The following RANBP2 variants were observed in gnomAD, a reference collection of about 807,000 sequenced individuals.
RANBP2 encodes the protein RAN binding protein 2.
Under a neutral mutation model 303.6 loss-of-function variants are expected in RANBP2, and 57 were observed. That is an observed-to-expected ratio of 0.19 (90% CI 0.15 to 0.23). The LOEUF (loss-of-function observed/expected upper bound fraction) is 0.23. Among genes scored for constraint, RANBP2 ranks in the 10% least tolerant of loss-of-function variants. The pLI is 1.00. For missense variants in RANBP2, 3,138 were observed against 3,780.8 expected (o/e 0.83, Z 4.46); for synonymous variants, 1,167 against 1,301.5 (o/e 0.90, Z 2.23).
the RANBP2 span, among the ~76,000 whole-genome samples, chr2:109,540,997 G>T: frequency 6.6e-6 from 1 of 152,166 alleles, no homozygotes; most frequent in African/African-American, 2.4e-5. Flanking sequence ...ATACATTTGG[G>T]TCTAAATCTA....
the RANBP2 span, chr2:109,614,798 C>T: frequency 1.4e-6 from 2 of 1,470,588 alleles, no homozygotes; most frequent in Non-Finnish European, 9.0e-7. Context: ...CCGCCGAGCC[C>T]GAGGCCCCCG....
chr2:109,596,192 C>G, the RANBP2 span, among the ~76,000 whole-genome samples: 6,809 of 152,084 alleles, frequency 0.045, 532 homozygotes, highest in African/African-American at 0.16. Context: ...CCACCACACC[C>G]GGCTGAAAAT....
chr2:108,947,736 G>T, the RANBP2 span, among the ~76,000 whole-genome samples: 1 of 152,060 alleles, frequency 6.6e-6, no homozygotes, highest in Non-Finnish European at 1.5e-5. Flanking sequence ...GGCTGCACAG[G>T]GCCCATGAAA....
the RANBP2 span, among the ~76,000 whole-genome samples, chr2:109,758,638 G>GTC: frequency 6.7e-6 from 1 of 148,766 alleles, no homozygotes; most frequent in Non-Finnish European, 1.5e-5. Flanking sequence ...ACTGGAATAT[G>GTC]TCTCCTGTCT....
At chr2:109,693,545 A>G in the RANBP2 span, among the ~76,000 whole-genome samples, 5 of 152,114 alleles carry the variant, frequency 3.3e-5, no homozygotes, top group Admixed American at 3.3e-4. Context: ...ACAACATCTG[A>G]TGATTTTATA....
the RANBP2 span, among the ~76,000 whole-genome samples, chr2:109,542,713 ATAATT>A: frequency 6.6e-6 from 1 of 152,250 alleles, no homozygotes; most frequent in African/African-American, 2.4e-5. Context: ...TATGACATGT[ATAATT>A]TAATTTACTG....
Position 108,765,080 on chromosome 2 carries a change from C to T in RANBP2, c.4541C>T (p.Ser1514Phe). ...NPRKQSLPAT[S>F]IPTPASFKFG... Reference sequence around the variant, plus strand: ...AGAAAACAGAGTCTACCTGCTACTTCTATTCCAACACCTGCCTCTTTTAAG... The same window carrying T: ...AGAAAACAGAGTCTACCTGCTACTTTTATTCCAACACCTGCCTCTTTTAAG... Residue 1514 changes from serine (S) to phenylalanine (F), a missense_variant, in exon 20 of 29, where the codon TCT (serine) becomes TTT (phenylalanine). By Grantham distance (155) the Ser-to-Phe change is radical (BLOSUM62 -2). Coordinates refer to ENST00000283195, the MANE Select transcript of RANBP2 (RefSeq NM_006267.5). 1 of 1,614,026 alleles carries T rather than the reference C, an allele frequency of 6.2e-7. No individual in the cohort carries two copies.
the RANBP2 span, among the ~76,000 whole-genome samples, chr2:109,524,444 C>CAAAAAAAAAAAAAAAAAAAAAAA: frequency 8.3e-5 from 7 of 84,408 alleles, 1 homozygote; most frequent in African/African-American, 4.6e-4. Context: ...GACCCTGTCT[C>CAAAAAAAAAAAAAAAAAAAAAAA]AAAAAAAAAA....
the RANBP2 span, among the ~76,000 whole-genome samples, chr2:109,470,238 C>T: frequency 6.6e-6 from 1 of 152,180 alleles, no homozygotes; most frequent in South Asian, 2.1e-4. Flanking sequence ...GACTTATTTC[C>T]TCATCAATAA....
the RANBP2 span, among the ~76,000 whole-genome samples, chr2:109,669,595 A>T: frequency 2.0e-4 from 30 of 152,244 alleles, no homozygotes; most frequent in Admixed American, 1.8e-3. Flanking sequence ...TGCTAGAACT[A>T]GAATTCAGAA....
At chr2:109,271,654 A>G in the RANBP2 span, among the ~76,000 whole-genome samples, 2 of 152,190 alleles carry the variant, frequency 1.3e-5, no homozygotes, top group South Asian at 4.1e-4. Flanking sequence ...CAGAAGCCCC[A>G]TATCCAGATA....
chr2:109,477,953 C>A, the RANBP2 span, among the ~76,000 whole-genome samples: 9 of 152,204 alleles, frequency 5.9e-5, no homozygotes, highest in Admixed American at 5.2e-4. Flanking sequence ...CCTGCCCTGC[C>A]TTTGCTGGAG....
chr2:109,129,526 G>A, the RANBP2 span: 3 of 1,496,810 alleles, frequency 2.0e-6, no homozygotes, highest in Non-Finnish European at 2.7e-6. Context: ...CGAGACCGCT[G>A]CGGGCGCCTC....
chr2:109,207,837 T>G, the RANBP2 span, among the ~76,000 whole-genome samples: 1 of 152,216 alleles, frequency 6.6e-6, no homozygotes, highest in Non-Finnish European at 1.5e-5. Flanking sequence ...AAAATTAAAC[T>G]ATACCTCATA....
At chr2:109,560,721 C>A in the RANBP2 span, among the ~76,000 whole-genome samples, 9 of 152,106 alleles carry the variant, frequency 5.9e-5, no homozygotes, top group African/African-American at 9.7e-5. Context: ...CACACACACA[C>A]AAAAAAGCTA....
chr2:109,549,107 G>A, the RANBP2 span, among the ~76,000 whole-genome samples: 1 of 152,152 alleles, frequency 6.6e-6, no homozygotes, highest in Non-Finnish European at 1.5e-5. Flanking sequence ...TTAGGTATGT[G>A]TGTGTGTTTA....
At chr2:109,319,954 A>G in the RANBP2 span, among the ~76,000 whole-genome samples, 7 of 152,308 alleles carry the variant, frequency 4.6e-5, no homozygotes, top group African/African-American at 1.4e-4. Flanking sequence ...AGCTGCTGTG[A>G]GAAGTAAGAG....
chr2:109,329,316 A>G, the RANBP2 span, among the ~76,000 whole-genome samples: 8 of 152,296 alleles, frequency 5.3e-5, no homozygotes, highest in African/African-American at 1.7e-4. Flanking sequence ...AAAAAACACA[A>G]CTCATGAGAG....
the RANBP2 span, among the ~76,000 whole-genome samples, chr2:109,013,813 G>A: frequency 2.0e-5 from 3 of 152,066 alleles, no homozygotes; most frequent in Admixed American, 1.3e-4. Context: ...TCTTGACCTC[G>A]TGATCTGCCC....
Sources: allele counts gnomAD v4.1 joint callset (sites outside exome capture counted in the v4.1 genomes callset), GRCh38; gene constraint gnomAD v4.1.1; transcripts MANE v1.5; gene names NCBI Gene and HGNC (gene_info 2026-07-23, HGNC 2026-07-21).